The following ANTXR2 variants were observed in gnomAD, a reference collection of about 807,000 sequenced individuals.
The protein encoded by ANTXR2 is anthrax toxin receptor 2.
Under a neutral mutation model 73.7 loss-of-function variants are expected in ANTXR2, and 44 were observed. The ratio of observed to expected loss-of-function variants is 0.60; its 90% CI spans 0.47 to 0.77. The LOEUF (loss-of-function observed/expected upper bound fraction) is 0.77, where lower values mean the gene tolerates loss of function less well. Among genes scored for constraint, ANTXR2 ranks in the 30% least tolerant of loss-of-function variants. The pLI, the probability that ANTXR2 is intolerant of heterozygous loss-of-function variation, is 0.00. For missense variants in ANTXR2, 604 were observed against 592.5 expected (o/e 1.02, Z -0.20); for synonymous variants, 217 against 205.9 (o/e 1.05, Z -0.46).
rs1560999091 is a variant in ANTXR2, at chr4:80,018,985, G to C, written c.867-9C>G. 2.7e-6 allele frequency: 4 copies of C among 1,456,294 alleles called. No individual in the cohort carries two copies. Among genetic ancestry groups the C allele is most frequent in the Admixed American group, 3.0e-5 (1 of 33,072 alleles). The allele number at this position is 1,456,294 out of a possible 1,614,324, so 90.2% of individuals were successfully genotyped here. ...CTGAAACATCAAGAGTTCTGAAAAA[G>C]AAAAGAAACAATAATTTTATATACA... On this transcript the variant is annotated splice_polypyrimidine_tract_variant and intron_variant, in intron 10 of 16. Transcript: ENST00000403729.
At chr4:80,030,542 GA>G (rs1310049550) in intron 10 of ANTXR2, among the ~76,000 whole-genome samples, 1 of 151,996 alleles carries the variant, frequency 6.6e-6, no homozygotes, top group Non-Finnish European at 1.5e-5. Flanking sequence ...ACATGATACA[GA>G]AAACGAATAA....
intron 16 of ANTXR2, among the ~76,000 whole-genome samples, chr4:79,920,419 GCAA>G (rs1419436479): frequency 3.3e-5 from 5 of 152,066 alleles, no homozygotes; most frequent in Non-Finnish European, 7.4e-5. Context: ...CTTATGTGAT[GCAA>G]TGTAAAGTAC....
chr4:80,051,007 C>T (rs1311866037), intron 7 of ANTXR2, among the ~76,000 whole-genome samples: 4 of 151,640 alleles, frequency 2.6e-5, no homozygotes, highest in Admixed American at 1.3e-4. Context: ...CCTAGCCAAA[C>T]CACATTCCAG....
intron 8 of ANTXR2, among the ~76,000 whole-genome samples, chr4:80,035,726 A>G (rs774286981): frequency 4.9e-4 from 74 of 152,170 alleles, no homozygotes; most frequent in Non-Finnish European, 8.8e-4. Context: ...AGCGTGAACT[A>G]AATATACAGA....
intron 10 of ANTXR2, among the ~76,000 whole-genome samples, chr4:80,028,483 G>A (rs891822657): frequency 1.3e-5 from 2 of 152,090 alleles, no homozygotes; most frequent in African/African-American, 4.8e-5. Context: ...GATAGAGCAG[G>A]CTAATGAGAT....
At chr4:80,007,062 G>A (rs1475361362) in intron 12 of ANTXR2, among the ~76,000 whole-genome samples, 2 of 152,046 alleles carry the variant, frequency 1.3e-5, no homozygotes, top group African/African-American at 4.8e-5. Flanking sequence ...AAAGAGACAG[G>A]ATGCGTCTTG....
chr4:79,910,523 GAAAAAAAAGA>G (rs1727089563), intron 16 of ANTXR2, among the ~76,000 whole-genome samples: 4 of 68,620 alleles, frequency 5.8e-5, no homozygotes, highest in South Asian at 1.0e-3. Context: ...AAAAAAAAAA[GAAAAAAAAGA>G]AAAAAAAAAA....
At position 79,903,870 on chromosome 4, in the gene ANTXR2, A is replaced by G. The variant is rs563291757; in HGVS notation, c.*3559T>C. The G allele has an allele frequency of 1.3e-5, 2 of 152,246 alleles. No individual in the cohort carries two copies. Among genetic ancestry groups the G allele is most frequent in the Non-Finnish European group, 2.9e-5 (2 of 68,008 alleles). The allele number at this position is 152,246 out of a possible 1,614,324, so 9.4% of individuals were successfully genotyped here. A position where few individuals can be genotyped will look rare whatever the true frequency, so the allele number is the denominator to read the frequency against. On this transcript the variant is annotated 3_prime_UTR_variant, in exon 17 of 17. Coordinates refer to ENST00000403729, the MANE Select transcript of ANTXR2 (RefSeq NM_058172.6). ...ATTTCTTTCCTGTGTACATATACCCACCAAACTTTTCCAGTAGTAATGAAA... is the reference window on the plus strand; with the variant it reads ...ATTTCTTTCCTGTGTACATATACCCGCCAAACTTTTCCAGTAGTAATGAAA...
At chr4:80,018,437 A>C (rs1731987020) in intron 11 of ANTXR2, among the ~76,000 whole-genome samples, 1 of 152,188 alleles carries the variant, frequency 6.6e-6, no homozygotes, top group Non-Finnish European at 1.5e-5. Flanking sequence ...TGTCAAAGTC[A>C]ACTTCCTCAT....
intron 7 of ANTXR2, among the ~76,000 whole-genome samples, chr4:80,038,470 T>C (rs946714327): frequency 6.6e-6 from 1 of 152,112 alleles, no homozygotes; most frequent in Non-Finnish European, 1.5e-5. Context: ...AGGCCCTGTA[T>C]ATCCCCTATA....
chr4:79,962,166 A>T (rs1729169884), intron 16 of ANTXR2, among the ~76,000 whole-genome samples: 1 of 152,166 alleles, frequency 6.6e-6, no homozygotes, highest in Non-Finnish European at 1.5e-5. Context: ...AAAGCATTCT[A>T]TTTCATGAAT....
intron 16 of ANTXR2, among the ~76,000 whole-genome samples, chr4:79,923,483 C>G (rs1348934995): frequency 6.6e-6 from 1 of 151,988 alleles, no homozygotes; most frequent in African/African-American, 2.4e-5. Flanking sequence ...TGTTCTAAAC[C>G]AGGAAACAAG....
chr4:79,907,104 G>A lies in ANTXR2; in HGVS notation c.*325C>T, dbSNP rs905958998. Reference sequence around the variant, plus strand: ...TTGGTATCATCTTCGTGTTGTTGCTGTTGTTGCTTTTTCCTCTTCTACACA... The same window carrying A: ...TTGGTATCATCTTCGTGTTGTTGCTATTGTTGCTTTTTCCTCTTCTACACA... On this transcript the variant is annotated 3_prime_UTR_variant, in exon 17 of 17. Transcript: ENST00000403729. The A allele has an allele frequency of 8.8e-6, 3 of 340,472 alleles. No individual in the cohort carries two copies. Among genetic ancestry groups the A allele is most frequent in the African/African-American group, 6.6e-5 (3 of 45,566 alleles). 21.1% of individuals were successfully genotyped at this position (340,472 alleles called of 1,614,324 possible).
At chr4:79,936,377 C>T (rs933036401) in intron 16 of ANTXR2, among the ~76,000 whole-genome samples, 1 of 152,172 alleles carries the variant, frequency 6.6e-6, no homozygotes, top group Admixed American at 6.5e-5. Flanking sequence ...TACTATTCTC[C>T]TTCACAACCT....
chr4:80,022,498 G>A (rs186518927), intron 10 of ANTXR2, among the ~76,000 whole-genome samples: 4 of 152,262 alleles, frequency 2.6e-5, no homozygotes, highest in Admixed American at 2.0e-4. Flanking sequence ...TGAGAAAACC[G>A]CCCACTGTAA....
rs1729693155 is a variant in ANTXR2 at position 79,977,603 on chromosome 4, A to G, written c.1428+18T>C. The G allele has an allele frequency of 6.4e-7, 1 of 1,563,300 alleles. No individual in the cohort carries two copies. Among genetic ancestry groups the G allele is most frequent in the Admixed American group, 1.9e-5 (1 of 52,124 alleles). On this transcript the variant is annotated intron_variant, in intron 16 of 16. Transcript: ENST00000403729. ...CTCAAGCAGTTAGCTCTTTCTCAAT[A>G]CATTCCCATATACAAACCTCATCTC...
intron 10 of ANTXR2, among the ~76,000 whole-genome samples, chr4:80,023,441 C>T (rs1195940412): frequency 1.3e-5 from 2 of 152,224 alleles, no homozygotes; most frequent in South Asian, 4.1e-4. Context: ...ATTGTAGTAG[C>T]AATGATAATT....
intron 7 of ANTXR2, among the ~76,000 whole-genome samples, chr4:80,041,091 C>G (rs1254103791): frequency 1.3e-5 from 2 of 152,008 alleles, no homozygotes; most frequent in Non-Finnish European, 2.9e-5. Flanking sequence ...TCAGCTAATC[C>G]TCATAAGTCT....
chr4:80,033,683 AG>A, intron 8 of ANTXR2, 113 bp from the exon 9 acceptor site: 1 of 740,702 alleles, frequency 1.4e-6, no homozygotes, highest in African/African-American at 1.9e-5. Context: ...CATACTATTC[AG>A]TTAACTAATA....
Sources: gnomAD v4.1 joint callset for allele counts (sites outside exome capture counted in the v4.1 genomes callset) on GRCh38, gnomAD v4.1.1 for gene constraint, MANE v1.5 for transcripts, NCBI Gene and HGNC (gene_info 2026-07-23, HGNC 2026-07-21) for gene names.